RMST: variants seen among roughly 807,000 people sequenced by gnomAD.
RMST encodes the protein long intergenic non-protein coding RNA 54.
intron 10 of RMST, among the ~76,000 whole-genome samples, chr12:97,509,357 C>A (rs921923303): frequency 2.0e-5 from 3 of 151,700 alleles, no homozygotes; most frequent in Non-Finnish European, 4.4e-5. Flanking sequence ...TTCATTAATT[C>A]GTTATATGGG....
intron 10 of RMST, among the ~76,000 whole-genome samples, chr12:97,521,289 A>C (rs1311087072): frequency 1.3e-5 from 2 of 152,180 alleles, no homozygotes; most frequent in Non-Finnish European, 2.9e-5. Context: ...CAAAGCTGTC[A>C]GAATAATTTC....
chr12:97,498,333 T>C (rs1259483825), intron 10 of RMST, among the ~76,000 whole-genome samples: 1 of 152,168 alleles, frequency 6.6e-6, no homozygotes, highest in East Asian at 1.9e-4. Flanking sequence ...TGAACCAGAA[T>C]TGGACTGGTT....
chr12:97,536,419 G>C (rs908017021), intron 11 of RMST, among the ~76,000 whole-genome samples: 1 of 151,508 alleles, frequency 6.6e-6, no homozygotes, highest in South Asian at 2.1e-4. Context: ...ATTTGGGATT[G>C]ACAGATTCAT....
At chr12:97,526,537 C>T (rs1246456642) in intron 10 of RMST, among the ~76,000 whole-genome samples, 1 of 152,126 alleles carries the variant, frequency 6.6e-6, no homozygotes, top group Non-Finnish European at 1.5e-5. Flanking sequence ...CAGGTCTTCA[C>T]ATTCAAAGTC....
At chr12:97,480,727 ACAGC>A (rs777865720) in intron 5 of RMST, among the ~76,000 whole-genome samples, 7 of 152,184 alleles carry the variant, frequency 4.6e-5, no homozygotes, top group Non-Finnish European at 8.8e-5. Flanking sequence ...GCTACATGCA[ACAGC>A]TTGGAATTCT....
In RMST at chr12:97,536,934, T is replaced by G. The variant is rs764661495; in HGVS notation, n.1545+6075T>G. Among the ~76,000 whole-genome samples the G allele has an allele frequency of 6.6e-5, 10 of 151,524 alleles. No homozygotes were observed. In the South Asian group the frequency reaches 8.3e-4, roughly 13 times the overall value. Reference sequence around the variant, plus strand: ...ATGAAACTAGTTTTTCTGAACCGATTAAAATATTTAATCAAAATGATCAGT... The same window carrying G: ...ATGAAACTAGTTTTTCTGAACCGATGAAAATATTTAATCAAAATGATCAGT... On this transcript the variant is annotated intron_variant and non_coding_transcript_variant, in intron 11 of 13. Transcript: ENST00000640149.
intron 6 of RMST, chr12:97,492,941 C>G (rs145215422): frequency 6.6e-6 from 1 of 152,090 alleles, no homozygotes; most frequent in Non-Finnish European, 1.5e-5. Context: ...AGAATAAATG[C>G]TATTTGCAAT....
chr12:97,512,519 G>A (rs1173055947), intron 10 of RMST, among the ~76,000 whole-genome samples: 1 of 152,170 alleles, frequency 6.6e-6, no homozygotes, highest in African/African-American at 2.4e-5. Flanking sequence ...TAGACACAAA[G>A]GTTCTCCACG....
chr12:97,510,203 T>C (rs886111741), intron 10 of RMST, among the ~76,000 whole-genome samples: 1 of 152,188 alleles, frequency 6.6e-6, no homozygotes, highest in Non-Finnish European at 1.5e-5. Flanking sequence ...ACCTTAGAAA[T>C]GAAGCAAATG....
chr12:97,476,407 G>C (rs148917955), intron 5 of RMST, among the ~76,000 whole-genome samples: 1 of 152,086 alleles, frequency 6.6e-6, no homozygotes, highest in Non-Finnish European at 1.5e-5. Flanking sequence ...ATAGAAACTC[G>C]GAAATAGCAC....
intron 10 of RMST, among the ~76,000 whole-genome samples, chr12:97,529,917 A>G (rs1881480880): frequency 6.6e-6 from 1 of 152,084 alleles, no homozygotes; most frequent in South Asian, 2.1e-4. Flanking sequence ...TTTGTATGTT[A>G]TTTTTAGCTG....
chr12:97,531,986 A>G (rs1881663647), intron 11 of RMST, among the ~76,000 whole-genome samples: 1 of 151,992 alleles, frequency 6.6e-6, no homozygotes, highest in Non-Finnish European at 1.5e-5. Context: ...ATCACATTTT[A>G]TATTCTCAAA....
chr12:97,506,121 T>C (rs1439664538), intron 10 of RMST, among the ~76,000 whole-genome samples: 3 of 152,186 alleles, frequency 2.0e-5, no homozygotes, highest in Non-Finnish European at 4.4e-5. Context: ...GGTAGGTAGA[T>C]TGAAAAATAT....
At chr12:97,472,181 T>C (rs1873997905) in intron 5 of RMST, among the ~76,000 whole-genome samples, 1 of 152,158 alleles carries the variant, frequency 6.6e-6, no homozygotes, top group Non-Finnish European at 1.5e-5. Context: ...TGGTGACATT[T>C]ACAGAAATAG....
intron 10 of RMST, among the ~76,000 whole-genome samples, chr12:97,506,763 A>C (rs1210743810): frequency 7.0e-6 from 1 of 141,872 alleles, no homozygotes; most frequent in Non-Finnish European, 1.5e-5. Flanking sequence ...CGCTCACTGC[A>C]ACCTCTGCCT....
intron 10 of RMST, among the ~76,000 whole-genome samples, chr12:97,519,592 C>T (rs777319991): frequency 6.6e-6 from 1 of 152,084 alleles, no homozygotes; most frequent in African/African-American, 2.4e-5. Context: ...ATCTATGTTC[C>T]CAAAGGCCTA....
At chr12:97,473,414 G>T (rs940193025) in intron 5 of RMST, among the ~76,000 whole-genome samples, 6 of 152,048 alleles carry the variant, frequency 3.9e-5, no homozygotes, top group Non-Finnish European at 8.8e-5. Flanking sequence ...ATTTATTGGT[G>T]CCCTTATTCA....
chr12:97,473,767 T>G (rs76204738), intron 5 of RMST, among the ~76,000 whole-genome samples: 1 of 152,090 alleles, frequency 6.6e-6, no homozygotes, highest in Non-Finnish European at 1.5e-5. Context: ...TTTACTATTT[T>G]AAGGAAAAAC....
chr12:97,471,903 T>A (rs1330068221), intron 5 of RMST, among the ~76,000 whole-genome samples: 1 of 152,118 alleles, frequency 6.6e-6, no homozygotes, highest in East Asian at 1.9e-4. Flanking sequence ...TGAAGATAGA[T>A]CCTTTGGCTT....
Sources: allele counts gnomAD v4.1 joint callset (sites outside exome capture counted in the v4.1 genomes callset), GRCh38; gene constraint gnomAD v4.1.1; transcripts MANE v1.5; gene names NCBI Gene and HGNC (gene_info 2026-07-23, HGNC 2026-07-21).